Variants in IL1RAPL1 observed in about 807,000 individuals in gnomAD.
IL1RAPL1 encodes the protein interleukin 1 receptor accessory protein like 1.
Under a neutral mutation model 48.4 loss-of-function variants are expected in IL1RAPL1, and 3 were observed. The observed-to-expected ratio is 0.06, with a 90% CI of 0.03 to 0.16. The LOEUF is 0.16. Among genes scored for constraint, IL1RAPL1 ranks in the 10% least tolerant of loss-of-function variants. The probability of loss-of-function intolerance (pLI) is 1.00; values close to 1 mark genes in which losing one functional copy is unlikely to be tolerated. For missense variants in IL1RAPL1, 349 were observed against 530.6 expected (o/e 0.66, Z 3.36); for synonymous variants, 185 against 187.7 (o/e 0.99, Z 0.12).
intron 5 of IL1RAPL1, among the ~76,000 whole-genome samples, chrX:29,450,916 A>G (rs1934671115): frequency 9.0e-6 from 1 of 110,867 alleles, no homozygotes. Context: ...CCCATACATG[A>G]TTTAGCTTAA....
rs141940246 is a variant in IL1RAPL1, at chrX:28,760,692, A to G, written c.-24-28628A>G. On this transcript the variant is annotated intron_variant, in intron 1 of 10. Coordinates refer to ENST00000378993, the MANE Select transcript of IL1RAPL1 (RefSeq NM_014271.4). The stretch of plus-strand genomic sequence containing the variant: ...CAAGACAAAGAAGTAGCCAAGAAAC[A>G]TAAGAAAAAAATGCTCAACATCACT... Among the ~76,000 whole-genome samples, 13 of 112,280 alleles carry G rather than the reference A, an allele frequency of 1.2e-4. No homozygotes were observed. In the East Asian group the frequency reaches 3.6e-3, roughly 31 times the overall value.
intron 5 of IL1RAPL1, among the ~76,000 whole-genome samples, chrX:29,468,889 A>G (rs1934892004): frequency 8.9e-6 from 1 of 111,849 alleles, no homozygotes; most frequent in Non-Finnish European, 1.9e-5. Flanking sequence ...GGTTCTCAGA[A>G]GGGTTATACA....
Position 29,271,685 on chromosome X carries a change from G to A in IL1RAPL1, c.83-11253G>A, listed in dbSNP as rs139166651. On this transcript the variant is annotated intron_variant, in intron 2 of 10. Transcript: ENST00000378993. Reference sequence around the variant, plus strand: ...CTTCTTTTGAAGAGTGTCTGTTCATGTCCTTTGCCCAGTTTTGAATGCTGT... The same window carrying A: ...CTTCTTTTGAAGAGTGTCTGTTCATATCCTTTGCCCAGTTTTGAATGCTGT... Among the ~76,000 whole-genome samples the A allele has an allele frequency of 2.6e-3, 289 of 111,674 alleles. 4 individuals are homozygous for A. The East Asian group carries it at 0.06, about 23-fold the overall frequency.
intron 6 of IL1RAPL1, among the ~76,000 whole-genome samples, chrX:29,700,430 G>A (rs912397591): frequency 2.7e-5 from 3 of 111,384 alleles, no homozygotes; most frequent in East Asian, 2.8e-4. Context: ...TTGCAGATAC[G>A]AAATATGTTT....
chrX:29,945,931 A>G (rs1461738001), intron 9 of IL1RAPL1, among the ~76,000 whole-genome samples: 2 of 110,596 alleles, frequency 1.8e-5, no homozygotes, highest in African/African-American at 6.6e-5. Flanking sequence ...CCCTGCATTC[A>G]GTCCTTAGCA....
intron 3 of IL1RAPL1, among the ~76,000 whole-genome samples, chrX:29,315,624 A>C (rs1932767326): frequency 8.9e-6 from 1 of 112,008 alleles, no homozygotes; most frequent in African/African-American, 3.2e-5. Flanking sequence ...TTAGAAGCCC[A>C]AAATGAGTCA....
chrX:28,871,983 G>C (rs1922217687), intron 2 of IL1RAPL1, among the ~76,000 whole-genome samples: 1 of 111,569 alleles, frequency 9.0e-6, no homozygotes, highest in Non-Finnish European at 1.9e-5. Flanking sequence ...AAAGAATAAA[G>C]ACTTATTAAC....
chrX:29,574,529 C>T (rs1922710802), intron 5 of IL1RAPL1, among the ~76,000 whole-genome samples: 1 of 110,476 alleles, frequency 9.1e-6, no homozygotes, highest in East Asian at 2.9e-4. Flanking sequence ...CAAGGCGAGT[C>T]CCTTCTACCT....
At chrX:29,404,251 A>G (rs1435901298) in intron 5 of IL1RAPL1, among the ~76,000 whole-genome samples, 1 of 111,944 alleles carries the variant, frequency 8.9e-6, no homozygotes, top group Admixed American at 9.5e-5. Flanking sequence ...CCTGGAAACA[A>G]CTGATCTTTT....
At chrX:29,306,253 G>A (rs1220165480) in intron 3 of IL1RAPL1, among the ~76,000 whole-genome samples, 2 of 111,516 alleles carry the variant, frequency 1.8e-5, no homozygotes, top group East Asian at 2.8e-4. Context: ...ATGGGGGGCC[G>A]GGCGCGGTGG....
intron 3 of IL1RAPL1, among the ~76,000 whole-genome samples, chrX:29,376,653 G>T (rs1569298003): frequency 9.0e-6 from 1 of 111,625 alleles, no homozygotes; most frequent in Admixed American, 9.5e-5. Flanking sequence ...GATTATAAGT[G>T]TCAGCCACTG....
intron 6 of IL1RAPL1, among the ~76,000 whole-genome samples, chrX:29,740,107 A>C (rs1254162156): frequency 2.1e-5 from 2 of 97,518 alleles, no homozygotes; most frequent in Non-Finnish European, 4.1e-5. Context: ...AAAACAACAA[A>C]AAAACAAAAA....
chrX:28,825,673 T>G (rs1214616977), intron 2 of IL1RAPL1, among the ~76,000 whole-genome samples: 2 of 111,336 alleles, frequency 1.8e-5, no homozygotes, highest in Non-Finnish European at 3.8e-5. Context: ...AACATTTGAA[T>G]GTATAATATA....
At chrX:29,744,704 T>C (rs1175816069) in intron 6 of IL1RAPL1, among the ~76,000 whole-genome samples, 1 of 112,284 alleles carries the variant, frequency 8.9e-6, no homozygotes, top group African/African-American at 3.2e-5. Flanking sequence ...ATTTCAATTA[T>C]ATAATAAATA....
At chrX:29,151,424 C>A (rs1423471648) in intron 2 of IL1RAPL1, among the ~76,000 whole-genome samples, 1 of 111,892 alleles carries the variant, frequency 8.9e-6, no homozygotes, top group Non-Finnish European at 1.9e-5. Context: ...CTGGCTTGGA[C>A]TCCTTACATG....
chrX:29,762,996 G>A (rs777083234), intron 6 of IL1RAPL1, among the ~76,000 whole-genome samples: 1 of 110,096 alleles, frequency 9.1e-6, no homozygotes, highest in South Asian at 3.8e-4. Flanking sequence ...TAACCTGTTT[G>A]TCATTGCTCA....
In IL1RAPL1 at chrX:29,700,898, C is replaced by G. The variant is rs150029412; in HGVS notation, c.778+32394C>G. ...TAAAATAGCTGAACTTTTGGTAAGA[C>G]GGAAAATTCCATGATTTGCCATAAA... On this transcript the variant is annotated intron_variant, in intron 6 of 10. Coordinates refer to ENST00000378993, the MANE Select transcript of IL1RAPL1 (RefSeq NM_014271.4). Among the ~76,000 whole-genome samples the G allele has an allele frequency of 1.2e-4, 13 of 111,596 alleles. No homozygotes were observed. In the East Asian group the frequency reaches 2.5e-3, roughly 22 times the overall value.
chrX:28,713,025 C>T (rs1196075728), intron 1 of IL1RAPL1, among the ~76,000 whole-genome samples: 1 of 110,804 alleles, frequency 9.0e-6, no homozygotes, highest in Non-Finnish European at 1.9e-5. Context: ...TTCTATAATG[C>T]CTTTAAAAAT....
intron 2 of IL1RAPL1, among the ~76,000 whole-genome samples, chrX:28,944,945 A>G (rs1190013174): frequency 9.1e-6 from 1 of 110,494 alleles, no homozygotes; most frequent in Non-Finnish European, 1.9e-5. Flanking sequence ...ACGCACACAC[A>G]CACTGTGTGT....
Sources: allele counts gnomAD v4.1 joint callset (sites outside exome capture counted in the v4.1 genomes callset), GRCh38; gene constraint gnomAD v4.1.1; transcripts MANE v1.5; gene names NCBI Gene and HGNC (gene_info 2026-07-23, HGNC 2026-07-21).